Variants in SMAD5 observed in about 807,000 individuals in gnomAD.
SMAD5 encodes the protein SMAD family member 5, also known as MAD, mothers against decapentaplegic homolog 5.
In SMAD5, 9 loss-of-function variants were observed where a neutral mutation model predicts 43.1. The observed-to-expected ratio is 0.21, with a 90% CI of 0.13 to 0.36. SMAD5 has a LOEUF of 0.36. Among genes scored for constraint, SMAD5 ranks in the 10% least tolerant of loss-of-function variants. The probability of loss-of-function intolerance (pLI) is 1.00; values close to 1 mark genes in which losing one functional copy is unlikely to be tolerated. For synonymous variants in SMAD5, 190 were observed against 192.4 expected (o/e 0.99, Z 0.10); for missense variants, 348 against 574.0 (o/e 0.61, Z 4.02).
chr5:136,162,071 G>A (rs1054294084), intron 4 of SMAD5, among the ~76,000 whole-genome samples: 5 of 152,114 alleles, frequency 3.3e-5, no homozygotes, highest in African/African-American at 9.7e-5. Flanking sequence ...CTAATTCATG[G>A]TCATGGGTAG....
At chr5:136,147,492 G>C (rs946101640) in intron 1 of SMAD5, 1 of 151,812 alleles carries the variant, frequency 6.6e-6, no homozygotes, top group Non-Finnish European at 1.5e-5. Flanking sequence ...TCCTTGGCAG[G>C]AGGGTTTCTT....
chr5:136,155,456 C>T (rs868668608), intron 3 of SMAD5, among the ~76,000 whole-genome samples: 1 of 152,160 alleles, frequency 6.6e-6, no homozygotes, highest in African/African-American at 2.4e-5. Context: ...GGTCTTTCTG[C>T]GTCTCTTCTT....
At position 136,177,520 on chromosome 5, in the gene SMAD5, GT is replaced by G; in HGVS notation, c.*44del. 6.7e-7 allele frequency: 1 copy of G among 1,503,450 alleles called. No individual in the cohort carries two copies. Among genetic ancestry groups the G allele is most frequent in the Non-Finnish European group, 9.0e-7 (1 of 1,105,992 alleles). The allele number at this position is 1,503,450 out of a possible 1,614,324, so 93.1% of individuals were successfully genotyped here. A position where few individuals can be genotyped will look rare whatever the true frequency, so the allele number is the denominator to read the frequency against. On this transcript the variant is annotated 3_prime_UTR_variant, in exon 8 of 8. Transcript: ENST00000545279. ...TTTCAATTATATTGTTAGTGGACTT[GT>G]TTTAATTTTAGAGAAACTTTGAGTA...
chr5:136,176,302 A>G (rs1754412065), intron 7 of SMAD5, among the ~76,000 whole-genome samples: 2 of 151,814 alleles, frequency 1.3e-5, no homozygotes, highest in Admixed American at 1.3e-4. Flanking sequence ...AAAAAATACA[A>G]AAATTAGCCG....
At chr5:136,173,511 G>C (rs973868963) in intron 6 of SMAD5, among the ~76,000 whole-genome samples, 1 of 152,084 alleles carries the variant, frequency 6.6e-6, no homozygotes, top group Admixed American at 6.6e-5. Flanking sequence ...AGTTTTCATT[G>C]TCTTGAGTTT....
chr5:136,145,572 CTT>C (rs1753232161), intron 1 of SMAD5, among the ~76,000 whole-genome samples: 1 of 151,902 alleles, frequency 6.6e-6, no homozygotes, highest in Non-Finnish European at 1.5e-5. Flanking sequence ...AATGCGGACT[CTT>C]AAAGTACATG....
chr5:136,166,695 T>A (rs1247599398), intron 5 of SMAD5, among the ~76,000 whole-genome samples: 1 of 152,218 alleles, frequency 6.6e-6, no homozygotes, highest in Non-Finnish European at 1.5e-5. Context: ...CACACAACAT[T>A]AGGCCGTACA....
At position 136,159,546 on chromosome 5, in the gene SMAD5, G is replaced by GA. The variant is rs1290476755; in HGVS notation, c.404-1300dup. ...CCAGTGATTTTAGCATACCTCTAAA[G>GA]AAAAAAAAAAGCAAATTCTTACTGA... is the stretch of plus-strand genomic sequence containing the variant. On this transcript the variant is annotated intron_variant, in intron 3 of 7. Transcript: ENST00000545279. Among the ~76,000 whole-genome samples the GA allele has an allele frequency of 4.6e-3, 682 of 147,484 alleles. 6 individuals are homozygous for GA. The highest frequency in any genetic ancestry group is 0.016 in the African/African-American group (631 of 40,266).
At chr5:136,146,614 G>T (rs1753265696) in intron 1 of SMAD5, among the ~76,000 whole-genome samples, 1 of 151,658 alleles carries the variant, frequency 6.6e-6, no homozygotes, top group African/African-American at 2.4e-5. Context: ...CTTATGTGAG[G>T]ATACTAAAGT....
chr5:136,154,868 C>T (rs1017490551), intron 3 of SMAD5, among the ~76,000 whole-genome samples: 1 of 152,102 alleles, frequency 6.6e-6, no homozygotes, highest in Non-Finnish European at 1.5e-5. Context: ...GATCTCCTTC[C>T]ATCCTACTCA....
chr5:136,150,980 T>C (rs1753437053), intron 2 of SMAD5, among the ~76,000 whole-genome samples: 1 of 152,052 alleles, frequency 6.6e-6, no homozygotes, highest in African/African-American at 2.4e-5. Context: ...TGCCATCAAC[T>C]TGGGAGACTG....
At position 136,135,385 on chromosome 5, in the gene SMAD5, G is replaced by C. The variant is rs148092910; in HGVS notation, c.-245+2423G>C. The stretch of plus-strand genomic sequence containing the variant: ...TACCTGGGCAGCCTGTCTGTTTCCT[G>C]TTTTCATCATGAACCCAAACATTAT... On this transcript the variant is annotated intron_variant, in intron 1 of 7. Coordinates refer to ENST00000545279, the MANE Select transcript of SMAD5 (RefSeq NM_005903.7). Among the ~76,000 whole-genome samples the C allele has an allele frequency of 6.1e-3, 923 of 152,284 alleles. 7 individuals are homozygous for C. The highest frequency in any genetic ancestry group is 0.02 in the South Asian group (97 of 4,820).
At chr5:136,164,256 A>G (rs760271007) in intron 5 of SMAD5, among the ~76,000 whole-genome samples, 1 of 152,178 alleles carries the variant, frequency 6.6e-6, no homozygotes, top group Non-Finnish European at 1.5e-5. Context: ...TTTCTCTTGG[A>G]TAGATATCTA....
intron 5 of SMAD5, 27 bp from the exon 6 acceptor site, chr5:136,172,407 C>A: frequency 7.3e-7 from 1 of 1,374,428 alleles, no homozygotes; most frequent in Non-Finnish European, 1.0e-6. Flanking sequence ...ATGTATTAAA[C>A]TCTTTCTGTG....
At chr5:136,139,018 G>A (rs1395872242) in intron 1 of SMAD5, among the ~76,000 whole-genome samples, 4 of 152,148 alleles carry the variant, frequency 2.6e-5, no homozygotes, top group African/African-American at 9.7e-5. Context: ...AAAATGTGGG[G>A]ATTGGTTTGC....
intron 5 of SMAD5, among the ~76,000 whole-genome samples, chr5:136,165,662 ATTTTTTTTTTTTTTTT>A (rs58156387): frequency 6.9e-4 from 45 of 65,448 alleles, no homozygotes; most frequent in African/African-American, 1.3e-3. Flanking sequence ...GAATCATACA[ATTTTTTTTTTTTTTTT>A]TTTTTTTTTT....
At chr5:136,176,248 G>A (rs1754410180) in intron 7 of SMAD5, among the ~76,000 whole-genome samples, 1 of 151,760 alleles carries the variant, frequency 6.6e-6, no homozygotes, top group Admixed American at 6.6e-5. Context: ...GAGATCAGGA[G>A]TTCGAGACCA....
rs781457566 is a variant in SMAD5 at position 136,154,061 on chromosome 5, C to T, written c.301C>T (p.His101Tyr). The change falls in exon 3 of 8, where the codon CAT becomes TAT. Residue 101 changes from histidine (H) to tyrosine (Y), a missense_variant. Transcript: ENST00000545279. ...TTGGCGCTGGCCGGATTTGCAGAGT[C>T]ATCATGAGCTAAAGCCGTTGGATAT... The part of the protein sequence containing the change: ...RVWRWPDLQS[H>Y]HELKPLDICE... 1.2e-6 allele frequency: 2 copies of T among 1,603,908 alleles called. No individual in the cohort carries two copies. The highest frequency in any genetic ancestry group is 1.7e-6 in the Non-Finnish European group (2 of 1,175,522).
At chr5:136,143,619 C>T (rs1350414638) in intron 1 of SMAD5, among the ~76,000 whole-genome samples, 1 of 151,838 alleles carries the variant, frequency 6.6e-6, no homozygotes, top group South Asian at 2.1e-4. Context: ...TGGTTTTCCT[C>T]GTCCTTGTAC....
Sources: allele counts gnomAD v4.1 joint callset (sites outside exome capture counted in the v4.1 genomes callset), GRCh38; gene constraint gnomAD v4.1.1; transcripts MANE v1.5; gene names NCBI Gene and HGNC (gene_info 2026-07-23, HGNC 2026-07-21).